VRTN: variants seen among roughly 807,000 people sequenced by gnomAD.
VRTN encodes vertebrae development associated.
In VRTN, 5 loss-of-function variants were observed where a neutral mutation model predicts 18.2. That is an observed-to-expected ratio of 0.27 (90% CI 0.14 to 0.58). The LOEUF (loss-of-function observed/expected upper bound fraction) is 0.58. Among genes scored for constraint, VRTN ranks in the 20% least tolerant of loss-of-function variants. The pLI, the probability that VRTN is intolerant of heterozygous loss-of-function variation, is 0.91. For synonymous variants in VRTN, 381 were observed against 393.7 expected, an observed-to-expected ratio of 0.97 and a Z score of 0.38; for missense variants, 741 against 939.4, an observed-to-expected ratio of 0.79 and a Z score of 2.76.
chr14:74,342,221 T>C (rs2085609849), intron 2 of VRTN, among the ~76,000 whole-genome samples: 1 of 147,128 alleles, frequency 6.8e-6, no homozygotes, highest in Non-Finnish European at 1.5e-5. Context: ...CATTCCAGCC[T>C]GGGTGACACA....
At chr14:74,325,842 C>T (rs1038485004) in intron 1 of VRTN, among the ~76,000 whole-genome samples, 5 of 152,138 alleles carry the variant, frequency 3.3e-5, no homozygotes, top group Admixed American at 1.3e-4. Flanking sequence ...ATTAATCTCT[C>T]TGGCAACAAG....
At chr14:74,339,104 T>TCCAG (rs1465164294) in intron 2 of VRTN, among the ~76,000 whole-genome samples, 2 of 152,070 alleles carry the variant, frequency 1.3e-5, no homozygotes, top group South Asian at 2.1e-4. Context: ...CCTCAAGTGA[T>TCCAG]CCTCCTGCTT....
chr14:74,309,719 T>A lies in VRTN; in HGVS notation c.-164+6543T>A, dbSNP rs116512326. On this transcript the variant is annotated intron_variant, in intron 1 of 2. Transcript: ENST00000557177. Reference sequence around the variant, plus strand: ...TTCTAAAAGTAAATAAATAAAATTTTAAAAAACCCACAGGTCACTGTCTCT... The same window carrying A: ...TTCTAAAAGTAAATAAATAAAATTTAAAAAAACCCACAGGTCACTGTCTCT... Among the ~76,000 whole-genome samples, 1,346 of 152,200 alleles carry A rather than the reference T, an allele frequency of 8.8e-3. 21 individuals are homozygous for A. The highest frequency in any genetic ancestry group is 0.031 in the African/African-American group (1,268 of 41,514).
chr14:74,319,550 G>A (rs2085439411), intron 1 of VRTN, among the ~76,000 whole-genome samples: 1 of 152,032 alleles, frequency 6.6e-6, no homozygotes, highest in African/African-American at 2.4e-5. Context: ...CATTTACTGG[G>A]GTTGGGAGTT....
At chr14:74,347,999 G>A (rs2085654779), upstream of VRTN, among the ~76,000 whole-genome samples, 1 of 152,220 alleles carries the variant, frequency 6.6e-6, no homozygotes, top group African/African-American at 2.4e-5. Context: ...TAGCTCTCCA[G>A]TCTGCCTGGT....
chr14:74,312,292 G>T (rs1169386690), intron 1 of VRTN, among the ~76,000 whole-genome samples: 1 of 152,152 alleles, frequency 6.6e-6, no homozygotes, highest in Non-Finnish European at 1.5e-5. Context: ...TTTAAAAGAA[G>T]ATAGGCTCCA....
intron 1 of VRTN, among the ~76,000 whole-genome samples, chr14:74,322,256 C>A (rs187147088): frequency 6.9e-4 from 105 of 151,814 alleles, no homozygotes; most frequent in African/African-American, 2.3e-3. Context: ...CTCAAGCAAT[C>A]CTCTCACCTC....
rs780120752 is a variant in VRTN, at chr14:74,358,117, G to A, written c.1334G>A (p.Arg445Gln). Residue 445 changes from arginine to glutamine, a missense_variant, in exon 2 of 2, where the codon CGG becomes CAG. Physicochemically the swap from Arg to Gln is conservative, Grantham distance 43. Transcript: ENST00000256362. This position sits in a 1 kb window ranked among gnomAD's most constrained non-coding sequence, Gnocchi z 5.4. ...TATAATTGGCGGCGAAAGGCCCTCC[G>A]GAGGAACCCCAGCTTCAAGCCGGCA... ...TYYNWRRKAL[R>Q]RNPSFKPAPA... 32 of 1,614,002 alleles carry A rather than the reference G, an allele frequency of 2.0e-5. No individual in the cohort carries two copies. The highest frequency in any genetic ancestry group is 4.4e-5 in the South Asian group (4 of 91,094).
At position 74,358,105 on chromosome 14, in the gene VRTN, G is replaced by A. The variant is rs373225215; in HGVS notation, c.1322G>A (p.Arg441Gln). ...ISRSTYYNWR[R>Q]KALRRNPSFK... ...CGGTCCACTTATTATAATTGGCGGC[G>A]AAAGGCCCTCCGGAGGAACCCCAGC... The change falls in exon 2 of 2, where the codon CGA becomes CAA. Residue 441 changes from arginine to glutamine, a missense_variant. By Grantham distance (43) the Arg-to-Gln change is conservative. Transcript: ENST00000256362. The surrounding 1 kb of genome is among the most constrained non-coding windows in gnomAD (Gnocchi z 5.4). 7.4e-6 allele frequency: 12 copies of A among 1,614,162 alleles called. No homozygotes were observed. The highest frequency in any genetic ancestry group is 1.3e-5 in the African/African-American group (1 of 75,062).
intron 1 of VRTN, among the ~76,000 whole-genome samples, chr14:74,329,287 A>AAAGAAACAGGGT (rs2085506862): frequency 1.3e-5 from 2 of 151,810 alleles, no homozygotes; most frequent in Non-Finnish European, 2.9e-5. Context: ...AAAAAAAAAA[A>AAAGAAACAGGGT]AAGAAACAGG....
chr14:74,344,358 C>T (rs895356236), upstream of VRTN, among the ~76,000 whole-genome samples: 3 of 133,628 alleles, frequency 2.2e-5, no homozygotes, highest in East Asian at 2.2e-4. Flanking sequence ...TGCAGTGAGC[C>T]GTGATCATGC....
intron 1 of VRTN, 70 bp from the exon 2 acceptor site, chr14:74,356,713 G>T: frequency 6.7e-7 from 1 of 1,503,542 alleles, no homozygotes; most frequent in Non-Finnish European, 8.9e-7. Context: ...GGAGTGGACA[G>T]GGCACCTTTG....
Position 74,358,975 on chromosome 14 carries a change from G to A in VRTN, c.*83G>A. The A allele has an allele frequency of 6.7e-7, 1 of 1,497,232 alleles. No individual in the cohort carries two copies. The highest frequency in any genetic ancestry group is 8.9e-7 in the Non-Finnish European group (1 of 1,122,818). 92.7% of individuals were successfully genotyped at this position (1,497,232 alleles called of 1,614,324 possible). On this transcript the variant is annotated 3_prime_UTR_variant, in exon 2 of 2. Coordinates refer to ENST00000256362, the MANE Select transcript of VRTN (RefSeq NM_018228.3). This position sits in a 1 kb window ranked among gnomAD's most constrained non-coding sequence, Gnocchi z 5.4. ...CCTGAGCTGACCCCAGGCTTGGCCA[G>A]GATGTCCTTTGCTCTGGGTCCCACA...
At chr14:74,346,079 G>A (rs1401898611), upstream of VRTN, among the ~76,000 whole-genome samples, 1 of 152,048 alleles carries the variant, frequency 6.6e-6, no homozygotes, top group Non-Finnish European at 1.5e-5. Context: ...TAAGGCAGGA[G>A]GATTTGAGCC....
rs1277116204 is a variant in VRTN at position 74,320,514 on chromosome 14, G to A, written c.-163-17209G>A. Among the ~76,000 whole-genome samples, 12 of 140,192 alleles carry A rather than the reference G, an allele frequency of 8.6e-5. No individual in the cohort carries two copies. The Admixed American group carries it at 8.9e-4, about 10-fold the overall frequency. 92.0% of individuals were successfully genotyped at this position (140,192 alleles called of 152,430 possible). ...CCTGACCTTGTGATCCGCCCGCCTTGGCCTCCCAAAGTGCTGGAATTACAG... is the reference window on the plus strand; with the variant it reads ...CCTGACCTTGTGATCCGCCCGCCTTAGCCTCCCAAAGTGCTGGAATTACAG... On this transcript the variant is annotated intron_variant, in intron 1 of 2. Transcript: ENST00000557177.
upstream of VRTN, among the ~76,000 whole-genome samples, chr14:74,344,649 C>T (rs986773202): frequency 7.0e-6 from 1 of 142,286 alleles, no homozygotes; most frequent in Non-Finnish European, 1.5e-5. Context: ...GCAGGAGAAT[C>T]ACTTGAACCT....
At chr14:74,329,557 G>A (rs1373728283) in intron 1 of VRTN, among the ~76,000 whole-genome samples, 1 of 151,670 alleles carries the variant, frequency 6.6e-6, no homozygotes, top group Non-Finnish European at 1.5e-5. Flanking sequence ...CCAGGTGTGA[G>A]CCATAGTGCC....
chr14:74,344,359 G>A (rs537704913), upstream of VRTN, among the ~76,000 whole-genome samples: 6 of 138,290 alleles, frequency 4.3e-5, no homozygotes, highest in East Asian at 8.6e-4. Flanking sequence ...GCAGTGAGCC[G>A]TGATCATGCC....
Position 74,357,195 on chromosome 14 carries a change from T to C in VRTN, c.412T>C (p.Cys138Arg). Reference sequence around the variant, plus strand: ...GCTGCAGGCCGTGCGCTACTCCCTATGCTCTGAGGAGTCCCCTGAGATGAC... The same window carrying C: ...GCTGCAGGCCGTGCGCTACTCCCTACGCTCTGAGGAGTCCCCTGAGATGAC... ...VMLQAVRYSL[C>R]SEESPEMTSL... Residue 138 changes from cysteine (C) to arginine (R), a missense_variant, in exon 2 of 2, where the codon TGC becomes CGC. Cys to Arg is a radical substitution (Grantham distance 180). This residue lies in a region of VRTN where 186 missense variants were observed against 288.3 expected (regional missense o/e 0.65). Transcript: ENST00000256362. The surrounding 1 kb of genome is among the most constrained non-coding windows in gnomAD (Gnocchi z 7.8). 12 of 1,608,792 alleles carry C rather than the reference T, an allele frequency of 7.5e-6. No individual in the cohort carries two copies. Among genetic ancestry groups the C allele is most frequent in the Non-Finnish European group, 1.0e-5 (12 of 1,178,082 alleles).
Sources: allele counts gnomAD v4.1 joint callset (sites outside exome capture counted in the v4.1 genomes callset), GRCh38; gene constraint gnomAD v4.1.1; regional missense constraint gnomAD v4.1.1; non-coding constraint Gnocchi (gnomAD v3.1); transcripts MANE v1.5; gene names NCBI Gene and HGNC (gene_info 2026-07-23, HGNC 2026-07-21).